Variants in TPRG1 observed in about 807,000 individuals in gnomAD.
The protein encoded by TPRG1 is tumor protein p63-regulated gene 1 protein.
In TPRG1, 29 loss-of-function variants were observed where a neutral mutation model predicts 29.3. That is an observed-to-expected ratio of 0.99 (90% confidence interval 0.74 to 1.35). The LOEUF is 1.35. Ranked by LOEUF, TPRG1 falls within the 40% of genes most tolerant of loss-of-function variation. The pLI, the probability that TPRG1 is intolerant of heterozygous loss-of-function variation, is 0.00. For synonymous variants in TPRG1, 130 were observed against 116.8 expected (o/e 1.11, Z -0.73); for missense variants, 327 against 335.0 (o/e 0.98, Z 0.19).
chr3:189,169,445 A>C (rs1405733888), upstream of TPRG1, among the ~76,000 whole-genome samples: 1 of 152,184 alleles, frequency 6.6e-6, no homozygotes, highest in African/African-American at 2.4e-5. Flanking sequence ...GATTACAGGC[A>C]TGAGCCACCA....
intron 4 of TPRG1, among the ~76,000 whole-genome samples, chr3:189,266,794 T>C (rs1207526649): frequency 6.6e-5 from 10 of 152,202 alleles, no homozygotes; most frequent in Admixed American, 6.5e-4. Context: ...TAACTAAGAA[T>C]ATTAGGTAAT....
chr3:189,211,849 A>G (rs1269426235), intron 2 of TPRG1: 2 of 152,052 alleles, frequency 1.3e-5, no homozygotes, highest in Non-Finnish European at 2.9e-5. Context: ...AGTCACAGAA[A>G]CAAAGATCCA....
intron 4 of TPRG1, among the ~76,000 whole-genome samples, chr3:189,078,008 TTTCCTTCCTTCCTTCCTTCC>T (rs773510018): frequency 7.1e-5 from 7 of 98,862 alleles, no homozygotes; most frequent in East Asian, 3.4e-4. Flanking sequence ...CTAAAAACCT[TTTCCTTCCTTCCTTCCTTCC>T]TTCCTTCCTT....
intron 3 of TPRG1, among the ~76,000 whole-genome samples, chr3:189,021,306 G>T (rs1052477610): frequency 1.3e-5 from 2 of 151,424 alleles, no homozygotes; most frequent in African/African-American, 4.9e-5. Flanking sequence ...CTCGTTAGTT[G>T]ATGCAGTTTC....
intron 5 of TPRG1, among the ~76,000 whole-genome samples, chr3:189,314,993 C>T (rs1723254201): frequency 6.6e-6 from 1 of 152,020 alleles, no homozygotes; most frequent in Admixed American, 6.6e-5. Flanking sequence ...GACATGGTGG[C>T]ATGTACCAGT....
rs182730279 is a variant in TPRG1, at chr3:189,291,221, T to A, written c.480-19165T>A. Reference sequence around the variant, plus strand: ...CAGCCGGTAGACCCATTTCTAAACCTAGGTCTGGCTTCAACAAATTATGGG... The same window carrying A: ...CAGCCGGTAGACCCATTTCTAAACCAAGGTCTGGCTTCAACAAATTATGGG... On this transcript the variant is annotated intron_variant, in intron 4 of 5. Transcript: ENST00000345063. 9.5e-4 allele frequency among the ~76,000 whole-genome samples: 144 copies of A among 152,270 alleles called. 1 individual carries two copies. The highest frequency in any genetic ancestry group is 1.7e-3 in the Non-Finnish European group (115 of 68,008).
intron 3 of TPRG1, among the ~76,000 whole-genome samples, chr3:189,222,695 T>G (rs1314643161): frequency 1.3e-5 from 2 of 152,192 alleles, no homozygotes; most frequent in Non-Finnish European, 2.9e-5. Flanking sequence ...AGAATTTCGG[T>G]GGGTTCTCAC....
intron 4 of TPRG1, among the ~76,000 whole-genome samples, chr3:189,064,383 A>G (rs1716301384): frequency 6.6e-6 from 1 of 152,166 alleles, no homozygotes. Flanking sequence ...GAGAACTGCA[A>G]AGTTGGAGCA....
intron 4 of TPRG1, among the ~76,000 whole-genome samples, chr3:189,058,047 T>C (rs114081244): frequency 0.013 from 1,918 of 152,046 alleles, 52 homozygotes; most frequent in African/African-American, 0.045. Flanking sequence ...TTTCTGGACC[T>C]CCACCATCTT....
intron 4 of TPRG1, among the ~76,000 whole-genome samples, chr3:189,249,074 A>G (rs773525188): frequency 1.3e-4 from 19 of 151,476 alleles, no homozygotes; most frequent in Non-Finnish European, 1.9e-4. Context: ...GAGATCTACT[A>G]TCATGTTATT....
At chr3:189,221,846 C>A (rs571490933) in intron 3 of TPRG1, among the ~76,000 whole-genome samples, 52 of 152,288 alleles carry the variant, frequency 3.4e-4, no homozygotes, top group Non-Finnish European at 5.7e-4. Flanking sequence ...GATGAAGAAA[C>A]CTAGAGATTA....
intron 4 of TPRG1, among the ~76,000 whole-genome samples, chr3:189,085,447 A>ATGTGTGTGTGTGTGCGTG (rs760271078): frequency 3.3e-4 from 40 of 121,934 alleles, no homozygotes; most frequent in African/African-American, 1.5e-3. Context: ...GTGTGTGTGC[A>ATGTGTGTGTGTGTGCGTG]TGTGTGTGTG....
At chr3:189,298,225 T>G (rs545649316) in intron 4 of TPRG1, among the ~76,000 whole-genome samples, 1 of 152,340 alleles carries the variant, frequency 6.6e-6, no homozygotes, top group South Asian at 2.1e-4. Context: ...ACCATTTTCC[T>G]TCTTTGCCCG....
chr3:189,219,874 TCCC>T, intron 3 of TPRG1: 3 of 589,350 alleles, frequency 5.1e-6, no homozygotes, highest in Non-Finnish European at 6.4e-6. Context: ...GTTTCATTAT[TCCC>T]CCAACTCCAC....
At chr3:189,264,625 G>A (rs1328532356) in intron 4 of TPRG1, among the ~76,000 whole-genome samples, 6 of 151,892 alleles carry the variant, frequency 4.0e-5, no homozygotes, top group African/African-American at 1.5e-4. Context: ...AGGTGTGTCT[G>A]ACTACTAGAG....
At chr3:189,162,033 C>G (rs1459727453) in intron 5 of TPRG1, among the ~76,000 whole-genome samples, 1 of 152,106 alleles carries the variant, frequency 6.6e-6, no homozygotes, top group Non-Finnish European at 1.5e-5. Context: ...CACTCTATCA[C>G]CCAGGCTGGA....
intron 1 of TPRG1, among the ~76,000 whole-genome samples, chr3:189,116,782 G>A (rs1201492841): frequency 6.6e-6 from 1 of 152,108 alleles, no homozygotes; most frequent in Non-Finnish European, 1.5e-5. Flanking sequence ...AGGGCCTCAG[G>A]AAAGGGATGA....
intron 3 of TPRG1, among the ~76,000 whole-genome samples, chr3:189,136,336 G>A (rs1376795017): frequency 6.6e-6 from 1 of 152,096 alleles, no homozygotes; most frequent in African/African-American, 2.4e-5. Flanking sequence ...GACTTCTGGG[G>A]GTGGAGAAGC....
chr3:189,156,186 G>C (rs1726642176), intron 5 of TPRG1, among the ~76,000 whole-genome samples: 1 of 152,116 alleles, frequency 6.6e-6, no homozygotes. Flanking sequence ...AAGAAACAGA[G>C]ACAGAAAAGG....
Sources: allele counts gnomAD v4.1 joint callset (sites outside exome capture counted in the v4.1 genomes callset), GRCh38; gene constraint gnomAD v4.1.1; transcripts MANE v1.5; gene names NCBI Gene and HGNC (gene_info 2026-07-23, HGNC 2026-07-21).